Variants in SLC35B4 observed in about 807,000 individuals in gnomAD.
SLC35B4 encodes the protein nucleotide sugar transporter SLC35B4.
In SLC35B4, 28 loss-of-function variants were observed where a neutral mutation model predicts 39.5. That is an observed-to-expected ratio of 0.71 (90% CI 0.53 to 0.97). SLC35B4 has a LOEUF of 0.97. Ranked by LOEUF, SLC35B4 falls within the 50% of genes least tolerant of loss-of-function variation. The pLI is 0.00. For synonymous variants in SLC35B4, 145 were observed against 150.4 expected (o/e 0.96, Z 0.26); for missense variants, 334 against 414.3 (o/e 0.81, Z 1.68).
intron 3 of SLC35B4, among the ~76,000 whole-genome samples, chr7:134,305,336 G>A (rs1286742909): frequency 6.7e-5 from 10 of 149,298 alleles, no homozygotes; most frequent in Middle Eastern, 3.5e-3. Flanking sequence ...AAAAATATAC[G>A]TATATATATA....
chr7:134,310,888 G>A (rs1266245979), intron 1 of SLC35B4, among the ~76,000 whole-genome samples: 1 of 152,138 alleles, frequency 6.6e-6, no homozygotes, highest in Admixed American at 6.5e-5. Context: ...CCTGAAGCTG[G>A]TGAGAGGTAT....
chr7:134,305,088 G>A (rs1399614786), intron 3 of SLC35B4, among the ~76,000 whole-genome samples: 2 of 152,190 alleles, frequency 1.3e-5, no homozygotes, highest in African/African-American at 2.4e-5. Flanking sequence ...TTGAGAAGCC[G>A]AGGTGGGCGG....
At position 134,302,116 on chromosome 7, in the gene SLC35B4, A is replaced by T; in HGVS notation, c.345-6T>A. 1 of 1,600,364 alleles carries T rather than the reference A, an allele frequency of 6.2e-7. No individual in the cohort carries two copies. The highest frequency in any genetic ancestry group is 8.5e-7 in the Non-Finnish European group (1 of 1,174,924). On this transcript the variant is annotated splice_polypyrimidine_tract_variant and splice_region_variant and intron_variant, in intron 4 of 9. Transcript: ENST00000378509. ...TATATTTGAATATACTGTATCTGCAAAAAAGAAAAAAAAGAAGAAAAACAC... is the reference window on the plus strand; with the variant it reads ...TATATTTGAATATACTGTATCTGCATAAAAGAAAAAAAAGAAGAAAAACAC...
rs999425054 is a variant in SLC35B4, at chr7:134,308,182, G to T, written c.191+1184C>A. 9.2e-5 allele frequency among the ~76,000 whole-genome samples: 14 copies of T among 152,172 alleles called. 1 individual carries two copies. Among genetic ancestry groups the T allele is most frequent in the Non-Finnish European group, 1.9e-4 (13 of 68,022 alleles). ...CTCAAAGGGCAGGATGGGGAGTCTG[G>T]ACATCATTCAGAACATCGTGGTAAC... On this transcript the variant is annotated intron_variant, in intron 2 of 9. Coordinates refer to ENST00000378509, the MANE Select transcript of SLC35B4 (RefSeq NM_032826.5).
chr7:134,296,683 A>T (rs531849623), intron 8 of SLC35B4, among the ~76,000 whole-genome samples: 1 of 152,342 alleles, frequency 6.6e-6, no homozygotes, highest in South Asian at 2.1e-4. Context: ...AATAGTTTTA[A>T]TTTTTAAGGA....
chr7:134,301,774 C>A lies in SLC35B4; in HGVS notation c.474G>T (p.Val158=), dbSNP rs1241109494. 3.1e-6 allele frequency: 5 copies of A among 1,613,912 alleles called. No homozygotes were observed. Among genetic ancestry groups the A allele is most frequent in the East Asian group, 4.5e-5 (2 of 44,894 alleles). The change falls in exon 6 of 10, where the codon GTG becomes GTT. Residue 158 remains valine, a synonymous_variant. Transcript: ENST00000378509. ...LSENDGFQAF[V]WWLLGIGALT... is the part of the protein sequence containing the mutation. ...TATTGTACTTGCCTAGTAACCACCACACAAATGCCTGGAATCCATCATTCT... is the reference window on the plus strand; with the variant it reads ...TATTGTACTTGCCTAGTAACCACCAAACAAATGCCTGGAATCCATCATTCT...
At chr7:134,303,480 T>C (rs1187330908) in intron 4 of SLC35B4, among the ~76,000 whole-genome samples, 1 of 152,052 alleles carries the variant, frequency 6.6e-6, no homozygotes, top group African/African-American at 2.4e-5. Context: ...TATATATATA[T>C]GTTTAAATGC....
rs760555869 is a variant in SLC35B4 at position 134,294,920 on chromosome 7, GACAA to G, written c.905_908del (p.Phe302SerfsTer6). On this transcript the variant is annotated frameshift_variant, in exon 10 of 10. Coordinates refer to ENST00000378509, the MANE Select transcript of SLC35B4 (RefSeq NM_032826.5). LOFTEE classifies it high-confidence loss of function. ...CTGTGTACATTAAGGTCCCAATGAA[GACAA>G]ACAAGGTGCCCAGCCAGTGCCACAG... is the stretch of plus-strand genomic sequence containing the variant. 4.3e-6 allele frequency: 7 copies of G among 1,614,138 alleles called. No homozygotes were observed. Among genetic ancestry groups the G allele is most frequent in the Non-Finnish European group, 5.9e-6 (7 of 1,180,036 alleles).
intron 1 of SLC35B4, among the ~76,000 whole-genome samples, chr7:134,311,157 G>A (rs555545348): frequency 1.2e-4 from 18 of 152,256 alleles, no homozygotes; most frequent in Admixed American, 5.9e-4. Flanking sequence ...AATTCAACAA[G>A]TTCTCTTTTA....
In SLC35B4 at chr7:134,294,473, C is replaced by G. The variant is rs2241334; in HGVS notation, c.*360G>C. The G allele has an allele frequency of 0.49, 103,962 of 210,670 alleles. 26,534 individuals are homozygous for G. Among genetic ancestry groups the G allele is most frequent in the African/African-American group, 0.59 (26,319 of 44,302 alleles). 13.1% of individuals were successfully genotyped at this position (210,670 alleles called of 1,614,324 possible). On this transcript the variant is annotated 3_prime_UTR_variant, in exon 10 of 10. Coordinates refer to ENST00000378509, the MANE Select transcript of SLC35B4 (RefSeq NM_032826.5). ...TGACTGCTGTAGCAGAGATGCATTA[C>G]AACAGCAAGAGAAGGGACAATCTTT...
At chr7:134,312,969 T>C (rs1393474763) in intron 1 of SLC35B4, among the ~76,000 whole-genome samples, 1 of 152,226 alleles carries the variant, frequency 6.6e-6, no homozygotes, top group Non-Finnish European at 1.5e-5. Flanking sequence ...TCACTTTCCA[T>C]TTCTTCCTTT....
intron 3 of SLC35B4, 60 bp downstream of exon 3, chr7:134,306,612 A>G: frequency 7.2e-7 from 1 of 1,388,804 alleles, no homozygotes; most frequent in Non-Finnish European, 1.0e-6. Flanking sequence ...CATATATTCA[A>G]TCGATCTACT....
In SLC35B4 at chr7:134,294,469, A is replaced by G. The variant is rs1312107580; in HGVS notation, c.*364T>C. 3 of 213,790 alleles carry G rather than the reference A, an allele frequency of 1.4e-5. No individual in the cohort carries two copies. Among genetic ancestry groups the G allele is most frequent in the African/African-American group, 6.7e-5 (3 of 44,450 alleles). The allele number at this position is 213,790 out of a possible 1,614,324, so 13.2% of individuals were successfully genotyped here. A position where few individuals can be genotyped will look rare whatever the true frequency, so the allele number is the denominator to read the frequency against. ...ACAATGACTGCTGTAGCAGAGATGC[A>G]TTACAACAGCAAGAGAAGGGACAAT... On this transcript the variant is annotated 3_prime_UTR_variant, in exon 10 of 10. Transcript: ENST00000378509.
At chr7:134,311,338 C>G (rs1416064464) in intron 1 of SLC35B4, among the ~76,000 whole-genome samples, 1 of 152,182 alleles carries the variant, frequency 6.6e-6, no homozygotes, top group Non-Finnish European at 1.5e-5. Flanking sequence ...TCGGGCCAGC[C>G]TACTCTGCTT....
rs770067811 is a variant in SLC35B4, at chr7:134,304,830, G to C, written c.319C>G (p.Leu107Val). 1.2e-6 allele frequency: 2 copies of C among 1,612,294 alleles called. No homozygotes were observed. Among genetic ancestry groups the C allele is most frequent in the Non-Finnish European group, 1.7e-6 (2 of 1,178,610 alleles). ...CTTTTCTTCAAAATGATAATTCCTAGAATCATGTTGGCAATTAGAGAACCC... is the reference window on the plus strand; with the variant it reads ...CTTTTCTTCAAAATGATAATTCCTACAATCATGTTGGCAATTAGAGAACCC... ...RSGSLIANMI[L>V]GIIILKKRYS... The change falls in exon 4 of 10, where the codon CTA (leucine) becomes GTA (valine). Residue 107 changes from leucine to valine, a missense_variant. Coordinates refer to ENST00000378509, the MANE Select transcript of SLC35B4 (RefSeq NM_032826.5).
At chr7:134,298,289 C>CAG (rs1425030640) in intron 8 of SLC35B4, among the ~76,000 whole-genome samples, 1 of 152,124 alleles carries the variant, frequency 6.6e-6, no homozygotes, top group Non-Finnish European at 1.5e-5. Flanking sequence ...TTAATAACTT[C>CAG]AGAGATACAC....
intron 3 of SLC35B4, 57 bp from the exon 4 acceptor site, chr7:134,304,911 T>C (rs1291642790): frequency 2.2e-6 from 3 of 1,355,072 alleles, no homozygotes; most frequent in Non-Finnish European, 3.2e-6. Flanking sequence ...AAAAACAACG[T>C]AATTCGAGAG....
At chr7:134,311,513 G>C (rs1803841242) in intron 1 of SLC35B4, among the ~76,000 whole-genome samples, 1 of 152,164 alleles carries the variant, frequency 6.6e-6, no homozygotes, top group Admixed American at 6.5e-5. Flanking sequence ...AAATTAGCCA[G>C]ATGTGGTGGT....
upstream of SLC35B4, among the ~76,000 whole-genome samples, chr7:134,318,075 T>C (rs548432872): frequency 3.1e-4 from 46 of 146,212 alleles, 1 homozygote; most frequent in East Asian, 9.1e-3. Flanking sequence ...GAAGTCTTTC[T>C]CGAGATCTAC....
Sources: gnomAD v4.1 joint callset for allele counts (sites outside exome capture counted in the v4.1 genomes callset) on GRCh38, gnomAD v4.1.1 for gene constraint, MANE v1.5 for transcripts, NCBI Gene and HGNC (gene_info 2026-07-23, HGNC 2026-07-21) for gene names.